The following IL1RAPL1 variants were observed in gnomAD, a reference collection of about 807,000 sequenced individuals.
The protein encoded by IL1RAPL1 is interleukin-1 receptor accessory protein-like 1.
In IL1RAPL1, 3 loss-of-function variants were observed where a neutral mutation model predicts 48.4. That is an observed-to-expected ratio of 0.06 (90% CI 0.03 to 0.16). The LOEUF (loss-of-function observed/expected upper bound fraction) is 0.16. Ranked by LOEUF, IL1RAPL1 falls within the 10% of genes least tolerant of loss-of-function variation. The pLI is 1.00. For missense variants in IL1RAPL1, 349 were observed against 530.6 expected (o/e 0.66, Z 3.36); for synonymous variants, 185 against 187.7 (o/e 0.99, Z 0.12).
chrX:29,028,838 A>G (rs1169756972), intron 2 of IL1RAPL1, among the ~76,000 whole-genome samples: 1 of 111,250 alleles, frequency 9.0e-6, no homozygotes, highest in East Asian at 2.8e-4. Context: ...GCAAGATCTC[A>G]TCTGGCACTG....
chrX:29,108,949 T>C (rs1382202114), intron 2 of IL1RAPL1, among the ~76,000 whole-genome samples: 1 of 111,022 alleles, frequency 9.0e-6, no homozygotes, highest in Non-Finnish European at 1.9e-5. Context: ...TTTTCCAGAG[T>C]AAGACATCTT....
chrX:29,468,006 G>T (rs1934882362), intron 5 of IL1RAPL1, among the ~76,000 whole-genome samples: 1 of 111,114 alleles, frequency 9.0e-6, no homozygotes, highest in African/African-American at 3.3e-5. Flanking sequence ...GATTACAGGT[G>T]CCTGCCACCA....
At chrX:28,725,203 G>T (rs773630058) in intron 1 of IL1RAPL1, among the ~76,000 whole-genome samples, 1 of 110,421 alleles carries the variant, frequency 9.1e-6, no homozygotes, top group African/African-American at 3.3e-5. Flanking sequence ...ACCTGTCTCG[G>T]CCTCCCAAAG....
chrX:29,750,744 C>G (rs1164801045), intron 6 of IL1RAPL1, among the ~76,000 whole-genome samples: 2 of 111,603 alleles, frequency 1.8e-5, no homozygotes, highest in Middle Eastern at 9.3e-3. Flanking sequence ...TTACATCACC[C>G]TAAGATATTT....
chrX:29,763,325 A>C (rs978882332), intron 6 of IL1RAPL1, among the ~76,000 whole-genome samples: 8 of 111,323 alleles, frequency 7.2e-5, no homozygotes, highest in Non-Finnish European at 1.5e-4. Flanking sequence ...ATTGTGAATA[A>C]ATTGCTAAAA....
intron 8 of IL1RAPL1, among the ~76,000 whole-genome samples, chrX:29,925,724 G>A (rs948906858): frequency 9.2e-6 from 1 of 108,384 alleles, no homozygotes; most frequent in Admixed American, 1.0e-4. Context: ...AAAAATTGTA[G>A]AGACAGGGTC....
chrX:29,923,454 A>G (rs1932862190), intron 8 of IL1RAPL1, among the ~76,000 whole-genome samples: 1 of 112,379 alleles, frequency 8.9e-6, no homozygotes, highest in Admixed American at 9.4e-5. Flanking sequence ...CCCATGGGCC[A>G]TATTGGTTTA....
intron 2 of IL1RAPL1, among the ~76,000 whole-genome samples, chrX:29,077,995 C>T (rs1282095883): frequency 9.0e-6 from 1 of 111,467 alleles, no homozygotes; most frequent in East Asian, 2.8e-4. Flanking sequence ...GAACAACAGG[C>T]GGCCCAGCAC....
intron 5 of IL1RAPL1, among the ~76,000 whole-genome samples, chrX:29,651,890 AC>A (rs1925529950): frequency 8.9e-6 from 1 of 111,888 alleles, no homozygotes; most frequent in Non-Finnish European, 1.9e-5. Context: ...ATAGATACAT[AC>A]AATGTTATCT....
intron 8 of IL1RAPL1, among the ~76,000 whole-genome samples, chrX:29,930,454 A>G (rs1410674820): frequency 1.8e-5 from 2 of 112,136 alleles, no homozygotes; most frequent in Non-Finnish European, 3.8e-5. Context: ...ATTTAAAGCC[A>G]TAGATCAATT....
chrX:29,046,034 TCC>T (rs1926963249), intron 2 of IL1RAPL1, among the ~76,000 whole-genome samples: 1 of 80,190 alleles, frequency 1.2e-5, no homozygotes, highest in Non-Finnish European at 2.1e-5. Flanking sequence ...CCTCTTCTTC[TCC>T]TCCTCCTCCT....
At chrX:29,791,547 C>T (rs945591075) in intron 6 of IL1RAPL1, among the ~76,000 whole-genome samples, 9 of 106,704 alleles carry the variant, frequency 8.4e-5, no homozygotes, top group African/African-American at 3.1e-4. Context: ...CTCAGCCTCC[C>T]GAGGAGCTGG....
intron 5 of IL1RAPL1, among the ~76,000 whole-genome samples, chrX:29,569,812 T>C (rs1358195088): frequency 8.9e-6 from 1 of 112,261 alleles, no homozygotes; most frequent in African/African-American, 3.2e-5. Context: ...ATTAATATAT[T>C]TCCAGGAAAA....
intron 2 of IL1RAPL1, among the ~76,000 whole-genome samples, chrX:28,876,029 T>G (rs1922363731): frequency 8.9e-6 from 1 of 111,934 alleles, no homozygotes; most frequent in African/African-American, 3.2e-5. Context: ...CCATCTACCA[T>G]GAATGGAAGC....
intron 6 of IL1RAPL1, among the ~76,000 whole-genome samples, chrX:29,728,039 G>T (rs190188531): frequency 6.3e-5 from 7 of 110,643 alleles, no homozygotes; most frequent in Non-Finnish European, 9.5e-5. Flanking sequence ...CCGGGTTCAC[G>T]CCATTCTCCT....
intron 2 of IL1RAPL1, among the ~76,000 whole-genome samples, chrX:29,003,896 C>A (rs2147389931): frequency 8.9e-6 from 1 of 112,296 alleles, no homozygotes; most frequent in South Asian, 3.7e-4. Flanking sequence ...AATCCCAGCA[C>A]TTTGGGCAGC....
intron 2 of IL1RAPL1, among the ~76,000 whole-genome samples, chrX:29,164,980 G>C (rs935892814): frequency 8.9e-6 from 1 of 111,926 alleles, no homozygotes; most frequent in African/African-American, 3.2e-5. Flanking sequence ...CATGCACAGC[G>C]TCTAACTTGT....
intron 5 of IL1RAPL1, among the ~76,000 whole-genome samples, chrX:29,506,432 T>TCTTCTC (rs1556025724): frequency 1.4e-4 from 3 of 21,533 alleles, no homozygotes; most frequent in African/African-American, 3.3e-4. Flanking sequence ...TTCTTCTCCT[T>TCTTCTC]CTCCTTCTCC....
At chrX:28,723,351 T>A (rs1186593004) in intron 1 of IL1RAPL1, among the ~76,000 whole-genome samples, 1 of 111,611 alleles carries the variant, frequency 9.0e-6, no homozygotes, top group Admixed American at 9.6e-5. Context: ...AATTTATCCA[T>A]TTCTTCTAGA....
Sources: allele counts gnomAD v4.1 joint callset (sites outside exome capture counted in the v4.1 genomes callset), GRCh38; gene constraint gnomAD v4.1.1; transcripts MANE v1.5; gene names NCBI Gene and HGNC (gene_info 2026-07-23, HGNC 2026-07-21).